The following TRIP4 variants were observed in gnomAD, a reference collection of about 807,000 sequenced individuals.
TRIP4 encodes activating signal cointegrator 1.
In TRIP4, 54 loss-of-function variants were observed where a neutral mutation model predicts 81.8. The ratio of observed to expected loss-of-function variants is 0.66; its 90% CI spans 0.53 to 0.83. TRIP4 has a LOEUF of 0.83. Ranked by LOEUF, TRIP4 falls within the 40% of genes least tolerant of loss-of-function variation. TRIP4 has a pLI of 0.00. For missense variants in TRIP4, 662 were observed against 683.6 expected (o/e 0.97, Z 0.35); for synonymous variants, 270 against 242.8 (o/e 1.11, Z -1.04).
At chr15:64,435,213 C>CAAAAAAAA (rs35216763) in intron 11 of TRIP4, among the ~76,000 whole-genome samples, 1 of 50,420 alleles carries the variant, frequency 2.0e-5, no homozygotes, top group Non-Finnish European at 3.2e-5. Context: ...GACCCCATCT[C>CAAAAAAAA]AAAAAAAAAA....
At chr15:64,398,319 A>G (rs1416161417) in intron 4 of TRIP4, among the ~76,000 whole-genome samples, 1 of 150,630 alleles carries the variant, frequency 6.6e-6, no homozygotes, top group Non-Finnish European at 1.5e-5. Flanking sequence ...TGTAGTCCCA[A>G]CACTTTGGGA....
chr15:64,387,976 T>G lies in TRIP4; in HGVS notation c.101+12T>G. The stretch of plus-strand genomic sequence containing the variant: ...GAGGAGATCATTCAGTGAGAACAGT[T>G]CGGGTCCAAGCGGGGAAGGAGCTCT... On this transcript the variant is annotated intron_variant, in intron 1 of 12. Transcript: ENST00000261884. 6.5e-7 allele frequency: 1 copy of G among 1,545,746 alleles called. No individual in the cohort carries two copies. The highest frequency in any genetic ancestry group is 8.7e-7 in the Non-Finnish European group (1 of 1,143,418).
At chr15:64,395,343 G>A in intron 2 of TRIP4, 55 bp from the exon 3 acceptor site, 1 of 1,487,362 alleles carries the variant, frequency 6.7e-7, no homozygotes, top group Admixed American at 2.2e-5. Flanking sequence ...TAGTTCACCA[G>A]GAATCCTCTT....
At chr15:64,401,413 G>A (rs1480471675) in intron 5 of TRIP4, among the ~76,000 whole-genome samples, 1 of 151,912 alleles carries the variant, frequency 6.6e-6, no homozygotes, top group Non-Finnish European at 1.5e-5. Context: ...GAGATTACAG[G>A]CATAAGCCAC....
chr15:64,389,629 G>A (rs1900057772), intron 1 of TRIP4, among the ~76,000 whole-genome samples: 1 of 151,662 alleles, frequency 6.6e-6, no homozygotes, highest in African/African-American at 2.4e-5. Flanking sequence ...GCAGTGGAAT[G>A]CTATCAAATG....
At chr15:64,429,466 T>C (rs1892223102) in intron 11 of TRIP4, among the ~76,000 whole-genome samples, 1 of 152,202 alleles carries the variant, frequency 6.6e-6, no homozygotes, top group South Asian at 2.1e-4. Context: ...GCATAGGTGT[T>C]CTCTGAAACA....
At chr15:64,396,120 G>C (rs1900285900) in intron 3 of TRIP4, among the ~76,000 whole-genome samples, 1 of 151,960 alleles carries the variant, frequency 6.6e-6, no homozygotes, top group African/African-American at 2.4e-5. Context: ...AGTTGCCCAA[G>C]CTGGTCTTGA....
At chr15:64,394,604 CAAAAAAAA>C (rs71133423) in intron 2 of TRIP4, among the ~76,000 whole-genome samples, 4 of 53,140 alleles carry the variant, frequency 7.5e-5, no homozygotes, top group African/African-American at 1.5e-4. Flanking sequence ...GACTCCATCT[CAAAAAAAA>C]AAAAAAAAAA....
At chr15:64,405,294 A>G (rs1297144141) in intron 5 of TRIP4, among the ~76,000 whole-genome samples, 5 of 151,918 alleles carry the variant, frequency 3.3e-5, no homozygotes, top group Non-Finnish European at 7.4e-5. Flanking sequence ...AGCTGGGACT[A>G]CAGGTGCCTG....
intron 11 of TRIP4, among the ~76,000 whole-genome samples, chr15:64,442,097 A>G (rs1271478236): frequency 6.6e-6 from 1 of 152,110 alleles, no homozygotes; most frequent in Non-Finnish European, 1.5e-5. Context: ...CAGATTGTCT[A>G]TGGACTTGTA....
Position 64,409,620 on chromosome 15 carries a change from A to G in TRIP4, c.835A>G (p.Arg279Gly). The change falls in exon 7 of 13, where the codon AGG becomes GGG. Residue 279 changes from arginine to glycine, a missense_variant. Coordinates refer to ENST00000261884, the MANE Select transcript of TRIP4 (RefSeq NM_016213.5). Reference protein sequence around the residue: ...LLEFDRTSIRRTQVIDDESDY... With the variant: ...LLEFDRTSIRGTQVIDDESDY... ...GTGTTCCCTTTTTCTCAGTATTCGA[A>G]GGACCCAAGTCATTGATGATGAGTC... The G allele has an allele frequency of 1.2e-6, 2 of 1,614,110 alleles. No individual in the cohort carries two copies. The highest frequency in any genetic ancestry group is 1.7e-4 in the Middle Eastern group (1 of 6,052).
chr15:64,448,245 C>G (rs1892676365), intron 12 of TRIP4, among the ~76,000 whole-genome samples: 1 of 152,190 alleles, frequency 6.6e-6, no homozygotes, highest in Non-Finnish European at 1.5e-5. Flanking sequence ...AGAAAATGTT[C>G]TGTGTAGAGT....
intron 11 of TRIP4, among the ~76,000 whole-genome samples, chr15:64,435,793 A>G (rs1452196770): frequency 7.9e-6 from 1 of 126,800 alleles, no homozygotes; most frequent in Non-Finnish European, 1.6e-5. Flanking sequence ...TGGAAGTGGG[A>G]TGGGAGGGGG....
chr15:64,418,628 T>C lies in TRIP4; in HGVS notation c.1258T>C (p.Leu420=), dbSNP rs4776494. 241,327 of 1,613,584 alleles carry C rather than the reference T, an allele frequency of 0.15. 21,850 individuals are homozygous for C. The highest frequency in any genetic ancestry group is 0.41 in the Admixed American group (24,773 of 59,940). ...GLEFNSFQHQ[L]RIQDQEFQEG... ...AGAGTTCAACTCATTTCAGCACCAGTTGCGAATCCAGGATCAAGAATTTCA... is the reference window on the plus strand; with the variant it reads ...AGAGTTCAACTCATTTCAGCACCAGCTGCGAATCCAGGATCAAGAATTTCA... The change falls in exon 9 of 13, where the codon TTG becomes CTG. Residue 420 remains leucine, a synonymous_variant. Transcript: ENST00000261884.
chr15:64,397,905 G>GT (rs978127889), intron 4 of TRIP4, 87 bp downstream of exon 4: 2,832 of 1,405,546 alleles, frequency 2.0e-3, no homozygotes, highest in Non-Finnish European at 2.2e-3. Context: ...CTCTTTTTTT[G>GT]TTTTTTTTTG....
intron 3 of TRIP4, among the ~76,000 whole-genome samples, chr15:64,397,346 A>G (rs1900323719): frequency 6.6e-6 from 1 of 152,236 alleles, no homozygotes; most frequent in African/African-American, 2.4e-5. Flanking sequence ...TAACTGCTAC[A>G]TTTACCCTCC....
chr15:64,413,530 A>G (rs767720594), intron 7 of TRIP4, among the ~76,000 whole-genome samples: 2 of 152,046 alleles, frequency 1.3e-5, no homozygotes, highest in Non-Finnish European at 2.9e-5. Context: ...GAGCAGGTGA[A>G]TGACTGTAGC....
chr15:64,426,563 G>A lies in TRIP4; in HGVS notation c.1575+932G>A, dbSNP rs144231182. ...AAAAATACAAAAATTAGCCTGGTAT[G>A]GTGGCGCATGCCTGTAATCCCAGCT... is the stretch of plus-strand genomic sequence containing the variant. On this transcript the variant is annotated intron_variant, in intron 11 of 12. Transcript: ENST00000261884. 7.4e-3 allele frequency among the ~76,000 whole-genome samples: 1,122 copies of A among 152,136 alleles called. 14 individuals carry two copies. The highest frequency in any genetic ancestry group is 0.026 in the African/African-American group (1,080 of 41,496).
Position 64,418,624 on chromosome 15 carries a change from C to T in TRIP4, c.1254C>T (p.His418=). The change falls in exon 9 of 13, where the codon CAC becomes CAT. Residue 418 remains histidine, a synonymous_variant. Transcript: ENST00000261884. ...GACTAGAGTTCAACTCATTTCAGCA[C>T]CAGTTGCGAATCCAGGATCAAGAAT... ...GFGLEFNSFQ[H]QLRIQDQEFQ... 6.2e-7 allele frequency: 1 copy of T among 1,613,906 alleles called. No homozygotes were observed. The highest frequency in any genetic ancestry group is 8.5e-7 in the Non-Finnish European group (1 of 1,180,024).
Sources: allele counts gnomAD v4.1 joint callset (sites outside exome capture counted in the v4.1 genomes callset), GRCh38; gene constraint gnomAD v4.1.1; transcripts MANE v1.5; gene names NCBI Gene and HGNC (gene_info 2026-07-23, HGNC 2026-07-21).